The following SYCP3 variants were observed in gnomAD, a reference collection of about 807,000 sequenced individuals.
SYCP3 encodes the protein synaptonemal complex protein 3.
In SYCP3, 29 loss-of-function variants were observed where a neutral mutation model predicts 38.5. That is an observed-to-expected ratio of 0.75 (90% CI 0.56 to 1.03). The LOEUF (loss-of-function observed/expected upper bound fraction) is 1.03. Among genes scored for constraint, SYCP3 ranks in the 50% least tolerant of loss-of-function variants. The probability of loss-of-function intolerance (pLI) is 0.00; values close to 1 mark genes in which losing one functional copy is unlikely to be tolerated. For missense variants in SYCP3, 242 were observed against 270.7 expected (o/e 0.89, Z 0.74); for synonymous variants, 79 against 80.3 (o/e 0.98, Z 0.08).
chr12:101,737,854 C>G lies in SYCP3; in HGVS notation c.82G>C (p.Glu28Gln). ...CTCAGATCTTTCTTATCTTCAGTCT[C>G]AAAGTCATAGGCTCTCGTAAACTGA... is the stretch of plus-strand genomic sequence containing the variant. ...EDQFTRAYDF[E>Q]TEDKKDLSGS... The change falls in exon 2 of 9, where the codon GAG becomes CAG. Residue 28 changes from glutamate (E) to glutamine (Q), a missense_variant. By Grantham distance (29) the Glu-to-Gln change is conservative. Coordinates refer to ENST00000392924, the MANE Select transcript of SYCP3 (RefSeq NM_001177949.2). The G allele has an allele frequency of 6.2e-7, 1 of 1,614,198 alleles. No individual in the cohort carries two copies. The highest frequency in any genetic ancestry group is 2.2e-5 in the East Asian group (1 of 44,874).
chr12:101,730,038 G>A (rs1049096872), intron 7 of SYCP3, among the ~76,000 whole-genome samples: 1 of 152,048 alleles, frequency 6.6e-6, no homozygotes, highest in East Asian at 1.9e-4. Context: ...TGTCATAGGG[G>A]GATCTTCAAT....
At chr12:101,731,945 A>G in intron 6 of SYCP3, 1 of 280,462 alleles carries the variant, frequency 3.6e-6, no homozygotes, top group Non-Finnish European at 6.8e-6. Context: ...CCTTCCAATA[A>G]TAATGGTTTT....
chr12:101,736,402 A>C (rs899940921), intron 4 of SYCP3, among the ~76,000 whole-genome samples: 4 of 152,128 alleles, frequency 2.6e-5, no homozygotes, highest in Admixed American at 1.3e-4. Flanking sequence ...AAAAGAGTTG[A>C]CTGTATGAAC....
intron 7 of SYCP3, chr12:101,730,492 T>A (rs12303312): frequency 7.7e-4 from 71 of 92,426 alleles, no homozygotes; most frequent in African/African-American, 4.9e-3. Flanking sequence ...GTGTGTATAA[T>A]TTTTTTTTTT....
Position 101,731,564 on chromosome 12 carries a change from A to C in SYCP3, c.552+4T>G. 6.3e-7 allele frequency: 1 copy of C among 1,591,584 alleles called. No individual in the cohort carries two copies. The highest frequency in any genetic ancestry group is 8.6e-7 in the Non-Finnish European group (1 of 1,167,734). ...GATGTATTGTGTTACCACATACAAC[A>C]AACCTTTATGAACTGCTCATATAAC... On this transcript the variant is annotated splice_donor_region_variant and intron_variant, in intron 7 of 8. Coordinates refer to ENST00000392924, the MANE Select transcript of SYCP3 (RefSeq NM_001177949.2).
intron 7 of SYCP3, chr12:101,730,712 A>T (rs989799989): frequency 1.3e-5 from 3 of 225,500 alleles, no homozygotes; most frequent in Admixed American, 5.3e-5. Flanking sequence ...CATGTTGCTC[A>T]GGCTGGTCTT....
chr12:101,737,522 G>T, intron 2 of SYCP3: 1 of 647,430 alleles, frequency 1.5e-6, no homozygotes, highest in Non-Finnish European at 2.6e-6. Flanking sequence ...CTGGGTTAAT[G>T]TCACAGTAAG....
intron 5 of SYCP3, 123 bp downstream of exon 5, chr12:101,734,804 T>G (rs1952336517): frequency 4.3e-6 from 3 of 701,534 alleles, no homozygotes; most frequent in Non-Finnish European, 5.1e-6. Context: ...TGCCTTGGCC[T>G]CCCAAAGTGC....
intron 1 of SYCP3, among the ~76,000 whole-genome samples, chr12:101,738,472 C>T (rs1187553614): frequency 6.7e-6 from 1 of 148,590 alleles, no homozygotes. Context: ...CGCTGTGGCT[C>T]ATGCCTGTAA....
At chr12:101,733,780 C>T in intron 5 of SYCP3, 106 bp from the exon 6 acceptor site, 2 of 1,015,586 alleles carry the variant, frequency 2.0e-6, no homozygotes, top group Non-Finnish European at 1.5e-6. Flanking sequence ...AAGGAAATAC[C>T]TGCAGCTTAA....
intron 4 of SYCP3, among the ~76,000 whole-genome samples, chr12:101,735,871 A>ATATATATATATATATATAT: frequency 2.7e-5 from 2 of 74,754 alleles, no homozygotes; most frequent in African/African-American, 1.3e-4. Flanking sequence ...ATATATATAT[A>ATATATATATATATATATAT]TTTTTTTTTT....
chr12:101,730,491 ATTT>A (rs201662453), intron 7 of SYCP3: 4,254 of 322,300 alleles, frequency 0.013, no homozygotes, highest in South Asian at 0.019. Flanking sequence ...TGTGTGTATA[ATTT>A]TTTTTTTTTT....
chr12:101,737,650 G>A, intron 2 of SYCP3, 153 bp downstream of exon 2: 1 of 988,684 alleles, frequency 1.0e-6, no homozygotes, highest in South Asian at 1.4e-5. Context: ...AGTACAGCTG[G>A]CCATCCGTGT....
intron 6 of SYCP3, chr12:101,732,482 C>G (rs1952227392): frequency 6.6e-6 from 1 of 152,130 alleles, no homozygotes. Flanking sequence ...CCCAACCCCT[C>G]AGGAGACCAA....
intron 7 of SYCP3, chr12:101,730,747 G>A (rs1952156977): frequency 5.4e-6 from 1 of 186,522 alleles, no homozygotes; most frequent in South Asian, 8.8e-5. Flanking sequence ...GAGTGATCTC[G>A]CCTTGGCATC....
chr12:101,738,054 GAATAC>G, intron 1 of SYCP3, 102 bp from the exon 2 acceptor site: 1 of 1,352,550 alleles, frequency 7.4e-7, no homozygotes, highest in Non-Finnish European at 1.0e-6. Flanking sequence ...AAGGATTGTT[GAATAC>G]AATTTTAACA....
chr12:101,737,912 ATACTTTTT>A lies in SYCP3; in HGVS notation c.16_23del (p.Lys6PhefsTer18). On this transcript the variant is annotated frameshift_variant, in exon 2 of 9. Coordinates refer to ENST00000392924, the MANE Select transcript of SYCP3 (RefSeq NM_001177949.2). LOFTEE classifies it high-confidence loss of function. ...CAGACGGCTTCCCAGATTTCCTGGA[ATACTTTTT>A]TCCGGAGGACACCATATTTAGATGC... 6.2e-7 allele frequency: 1 copy of A among 1,614,202 alleles called. No individual in the cohort carries two copies. The highest frequency in any genetic ancestry group is 8.5e-7 in the Non-Finnish European group (1 of 1,180,022).
chr12:101,730,060 T>C (rs1004584668), intron 7 of SYCP3, among the ~76,000 whole-genome samples: 24 of 152,100 alleles, frequency 1.6e-4, no homozygotes, highest in African/African-American at 4.6e-4. Context: ...CCTAAGAATT[T>C]AGAACAGGAG....
intron 4 of SYCP3, among the ~76,000 whole-genome samples, chr12:101,735,871 A>ATATATATATATTTTTTTTTTTTTTTT: frequency 1.5e-4 from 11 of 74,750 alleles, no homozygotes; most frequent in Middle Eastern, 7.0e-3. Context: ...ATATATATAT[A>ATATATATATATTTTTTTTTTTTTTTT]TTTTTTTTTT....
Sources: gnomAD v4.1 joint callset for allele counts (sites outside exome capture counted in the v4.1 genomes callset) on GRCh38, gnomAD v4.1.1 for gene constraint, MANE v1.5 for transcripts, NCBI Gene and HGNC (gene_info 2026-07-23, HGNC 2026-07-21) for gene names.